The following RNLS variants were observed in gnomAD, a reference collection of about 807,000 sequenced individuals.
RNLS encodes the protein renalase, FAD dependent amine oxidase, also known as renalase.
A neutral mutation model predicts 39.8 loss-of-function variants in RNLS; 39 were observed. The observed-to-expected ratio is 0.98, with a 90% CI of 0.76 to 1.28. The LOEUF (loss-of-function observed/expected upper bound fraction) is 1.28. Among genes scored for constraint, RNLS ranks in the 50% most tolerant of loss-of-function variants. The probability of loss-of-function intolerance (pLI) is 0.00; values close to 1 mark genes in which losing one functional copy is unlikely to be tolerated. For synonymous variants in RNLS, 147 were observed against 150.7 expected, an observed-to-expected ratio of 0.98 and a Z score of 0.18; for missense variants, 410 against 413.3, an observed-to-expected ratio of 0.99 and a Z score of 0.07.
At chr10:88,394,818 G>T (rs1411895227) in intron 4 of RNLS, among the ~76,000 whole-genome samples, 2 of 152,158 alleles carry the variant, frequency 1.3e-5, no homozygotes, top group African/African-American at 2.4e-5. Context: ...TGATAGACTG[G>T]ATTAAGAAAA....
chr10:88,471,008 T>A (rs1000676626), intron 4 of RNLS, among the ~76,000 whole-genome samples: 5 of 152,158 alleles, frequency 3.3e-5, no homozygotes, highest in African/African-American at 1.2e-4. Context: ...CTGCCTGGTA[T>A]AAATTGTGTG....
At chr10:88,559,353 C>T (rs1849044047) in intron 4 of RNLS, among the ~76,000 whole-genome samples, 1 of 152,072 alleles carries the variant, frequency 6.6e-6, no homozygotes. Flanking sequence ...TTATTTACCA[C>T]CTCAATGTAT....
At chr10:88,310,824 A>AAAAAAAAAAAAG (rs1217903555) in intron 6 of RNLS, among the ~76,000 whole-genome samples, 20 of 113,428 alleles carry the variant, frequency 1.8e-4, no homozygotes, top group Non-Finnish European at 2.3e-4. Flanking sequence ...AAAAAAAAAA[A>AAAAAAAAAAAAG]AAAGAAAGAA....
At position 88,284,306 on chromosome 10, in the gene RNLS, G is replaced by A. The variant is rs1843130300; in HGVS notation, c.*1048C>T. ...TTGTTGAACTTTTGTTAGTTTGAGA[G>A]GCTGCAATGATTTTTCTCCTTTCAA... On this transcript the variant is annotated 3_prime_UTR_variant, in exon 7 of 7. Transcript: ENST00000331772. The A allele has an allele frequency of 1.0e-6, 1 of 985,164 alleles. No individual in the cohort carries two copies. Among genetic ancestry groups the A allele is most frequent in the African/African-American group, 1.7e-5 (1 of 57,198 alleles). 61.0% of individuals were successfully genotyped at this position (985,164 alleles called of 1,614,324 possible).
At chr10:88,211,851 A>G in the RNLS span, among the ~76,000 whole-genome samples, 1 of 152,186 alleles carries the variant, frequency 6.6e-6, no homozygotes, top group Non-Finnish European at 1.5e-5. Context: ...TTTTTAAAAC[A>G]TCACTCTTGC....
chr10:88,524,568 A>G (rs1341022300), intron 4 of RNLS, among the ~76,000 whole-genome samples: 1 of 152,122 alleles, frequency 6.6e-6, no homozygotes, highest in African/African-American at 2.4e-5. Context: ...ATTTTCTATT[A>G]GCTATTTAAA....
intron 4 of RNLS, among the ~76,000 whole-genome samples, chr10:88,571,231 C>T (rs1849817271): frequency 6.6e-6 from 1 of 151,984 alleles, no homozygotes; most frequent in Admixed American, 6.6e-5. Flanking sequence ...ACCCTCCTGC[C>T]TCACCCTCCC....
Position 88,423,262 on chromosome 10 carries a change from G to A in RNLS, c.527-60537C>T, listed in dbSNP as rs538573589. ...AATGGCATGATTAGGCTTGCTTTGC[G>A]TTTGCATATATGCTACACGTATGCT... is the stretch of plus-strand genomic sequence containing the variant. On this transcript the variant is annotated intron_variant, in intron 4 of 6. Transcript: ENST00000331772. Among the ~76,000 whole-genome samples the A allele has an allele frequency of 1.7e-4, 26 of 152,186 alleles. No homozygotes were observed. The South Asian group carries it at 2.3e-3, about 13-fold the overall frequency.
At chr10:88,368,857 C>A (rs1850323002) in intron 4 of RNLS, among the ~76,000 whole-genome samples, 1 of 151,860 alleles carries the variant, frequency 6.6e-6, no homozygotes, top group Non-Finnish European at 1.5e-5. Flanking sequence ...AACACTATAC[C>A]AATTTATAGT....
the RNLS span, among the ~76,000 whole-genome samples, chr10:88,211,489 G>C: frequency 6.6e-6 from 1 of 152,180 alleles, no homozygotes; most frequent in Admixed American, 6.6e-5. Flanking sequence ...TGCTGTAATA[G>C]AACTTGGGAG....
At chr10:88,193,963 C>T in the RNLS span, among the ~76,000 whole-genome samples, 2 of 152,180 alleles carry the variant, frequency 1.3e-5, no homozygotes, top group African/African-American at 4.8e-5. Flanking sequence ...ATCACTACTC[C>T]TCTTGGCTAA....
chr10:88,186,213 C>T, the RNLS span, among the ~76,000 whole-genome samples: 1 of 152,170 alleles, frequency 6.6e-6, no homozygotes, highest in Non-Finnish European at 1.5e-5. Context: ...ATAAGGGATT[C>T]TGGCGCTGGG....
At chr10:88,418,807 C>T (rs1241525697) in intron 4 of RNLS, among the ~76,000 whole-genome samples, 1 of 152,090 alleles carries the variant, frequency 6.6e-6, no homozygotes, top group African/African-American at 2.4e-5. Context: ...GTTTAAGTTC[C>T]TGGGATAAAG....
chr10:88,372,321 C>A (rs1850630000), intron 4 of RNLS, among the ~76,000 whole-genome samples: 1 of 151,960 alleles, frequency 6.6e-6, no homozygotes, highest in African/African-American at 2.4e-5. Flanking sequence ...AACAATCTGT[C>A]AAGGAAAAAA....
chr10:88,347,779 T>G (rs1228980833), intron 5 of RNLS, among the ~76,000 whole-genome samples: 1 of 152,068 alleles, frequency 6.6e-6, no homozygotes, highest in Non-Finnish European at 1.5e-5. Context: ...CTGGTTTTCT[T>G]TTCGCCCTTT....
chr10:88,503,491 T>A (rs957501529), intron 4 of RNLS, among the ~76,000 whole-genome samples: 5 of 152,192 alleles, frequency 3.3e-5, no homozygotes, highest in Admixed American at 6.6e-5. Flanking sequence ...CAAATTTTTT[T>A]AATATTGAAT....
chr10:88,281,971 G>A (rs1843024901), downstream of RNLS, among the ~76,000 whole-genome samples: 1 of 152,086 alleles, frequency 6.6e-6, no homozygotes, highest in Admixed American at 6.6e-5. Flanking sequence ...GAAACAAAGA[G>A]GAATCAGATG....
chr10:88,502,819 C>T (rs1845581333), intron 4 of RNLS, among the ~76,000 whole-genome samples: 1 of 152,082 alleles, frequency 6.6e-6, no homozygotes, highest in African/African-American at 2.4e-5. Context: ...AATAACAAAT[C>T]TGTTTTTTCC....
intron 4 of RNLS, among the ~76,000 whole-genome samples, chr10:88,512,740 G>T (rs1486039050): frequency 1.3e-5 from 2 of 152,018 alleles, no homozygotes; most frequent in African/African-American, 2.4e-5. Context: ...CTGCTCACAG[G>T]TGCCCAACGA....
Sources: gnomAD v4.1 joint callset for allele counts (sites outside exome capture counted in the v4.1 genomes callset) on GRCh38, gnomAD v4.1.1 for gene constraint, MANE v1.5 for transcripts, NCBI Gene and HGNC (gene_info 2026-07-23, HGNC 2026-07-21) for gene names.